Variants in CDH18 observed in about 807,000 individuals in gnomAD.
CDH18 encodes cadherin 18.
A neutral mutation model predicts 67.9 loss-of-function variants in CDH18; 31 were observed. The ratio of observed to expected loss-of-function variants is 0.46; its 90% CI spans 0.34 to 0.62. The LOEUF (loss-of-function observed/expected upper bound fraction) is 0.62, where lower values mean the gene tolerates loss of function less well. Ranked by LOEUF, CDH18 falls within the 20% of genes least tolerant of loss-of-function variation. The pLI is 0.01. For missense variants in CDH18, 890 were observed against 975.5 expected (o/e 0.91, Z 1.17); for synonymous variants, 362 against 347.2 (o/e 1.04, Z -0.48).
intron 5 of CDH18, among the ~76,000 whole-genome samples, chr5:19,614,005 A>T (rs1749423611): frequency 6.6e-6 from 1 of 152,098 alleles, no homozygotes; most frequent in African/African-American, 2.4e-5. Context: ...TCAAACTCGC[A>T]CTTGATTAGT....
At chr5:20,293,808 A>G (rs1258473844) in intron 1 of CDH18, among the ~76,000 whole-genome samples, 1 of 152,212 alleles carries the variant, frequency 6.6e-6, no homozygotes, top group East Asian at 1.9e-4. Flanking sequence ...AGTGTATTAT[A>G]AAATATGAAG....
chr5:19,807,360 C>T (rs1778146575), intron 3 of CDH18, among the ~76,000 whole-genome samples: 1 of 152,094 alleles, frequency 6.6e-6, no homozygotes. Flanking sequence ...AGTAAAAATA[C>T]AGTGTTATAA....
At chr5:20,106,995 T>A (rs1746997950) in intron 2 of CDH18, among the ~76,000 whole-genome samples, 1 of 152,136 alleles carries the variant, frequency 6.6e-6, no homozygotes, top group Admixed American at 6.5e-5. Context: ...TATTTGAAAA[T>A]GTCTGTTAAT....
rs188387557 is a variant in CDH18, at chr5:19,760,761, T to C, written c.229-13525A>G. Among the ~76,000 whole-genome samples the C allele has an allele frequency of 3.0e-3, 452 of 152,240 alleles. 1 individual carries two copies. The highest frequency in any genetic ancestry group is 5.4e-3 in the Non-Finnish European group (364 of 68,016). On this transcript the variant is annotated intron_variant, in intron 3 of 12. Transcript: ENST00000382275. The stretch of plus-strand genomic sequence containing the variant: ...TCTAGTGGCCTGCCGGGACTTTAGT[T>C]ATAGATTTAGAAGCAGAGATGATGG...
chr5:19,482,914 T>A (rs1443012802), intron 12 of CDH18, among the ~76,000 whole-genome samples: 2 of 152,146 alleles, frequency 1.3e-5, no homozygotes, highest in Non-Finnish European at 2.9e-5. Flanking sequence ...AATGAATGGG[T>A]GACCTCCTCT....
At chr5:20,026,967 A>AT (rs1423685568) in intron 2 of CDH18, among the ~76,000 whole-genome samples, 2 of 150,850 alleles carry the variant, frequency 1.3e-5, no homozygotes, top group African/African-American at 5.0e-5. Flanking sequence ...ACATAAAAAA[A>AT]AAATAAATAA....
chr5:20,076,844 G>T (rs531284167), intron 2 of CDH18, among the ~76,000 whole-genome samples: 1 of 152,112 alleles, frequency 6.6e-6, no homozygotes, highest in South Asian at 2.1e-4. Flanking sequence ...TTTCATAATT[G>T]TCACTTTATT....
chr5:20,174,270 G>A (rs1423903349), intron 2 of CDH18, among the ~76,000 whole-genome samples: 1 of 152,052 alleles, frequency 6.6e-6, no homozygotes, highest in African/African-American at 2.4e-5. Flanking sequence ...TTTAAATAAG[G>A]ATCTGTAGAT....
chr5:19,621,171 G>A (rs1750628021), intron 5 of CDH18, among the ~76,000 whole-genome samples: 2 of 150,872 alleles, frequency 1.3e-5, no homozygotes, highest in Admixed American at 6.6e-5. Flanking sequence ...GAAACTCATT[G>A]CACATAGTCA....
chr5:20,351,380 T>A lies in CDH18; in HGVS notation c.-579-95875A>T, dbSNP rs548903195. The stretch of plus-strand genomic sequence containing the variant: ...AATGCTTTTCTAGAAATATTTTATT[T>A]GCAATATAAGCAACATTAACAGCAG... On this transcript the variant is annotated intron_variant, in intron 1 of 14. Coordinates refer to the CDH18 transcript ENST00000507958. Among the ~76,000 whole-genome samples, 12 of 152,280 alleles carry A rather than the reference T, an allele frequency of 7.9e-5. 1 individual carries two copies. The highest frequency in any genetic ancestry group is 2.6e-4 in the African/African-American group (11 of 41,566).
chr5:20,149,094 C>G (rs999158213), intron 2 of CDH18, among the ~76,000 whole-genome samples: 1 of 152,112 alleles, frequency 6.6e-6, no homozygotes, highest in Non-Finnish European at 1.5e-5. Flanking sequence ...ACCTCTTCTT[C>G]TCAAAGGATT....
chr5:19,631,510 G>T (rs1752410669), intron 5 of CDH18, among the ~76,000 whole-genome samples: 1 of 151,974 alleles, frequency 6.6e-6, no homozygotes, highest in South Asian at 2.1e-4. Flanking sequence ...TAACCAAACA[G>T]TTGGCAAATT....
intron 2 of CDH18, among the ~76,000 whole-genome samples, chr5:20,135,445 A>G (rs1483422584): frequency 1.3e-5 from 2 of 152,028 alleles, no homozygotes; most frequent in African/African-American, 2.4e-5. Flanking sequence ...TATACCTTTT[A>G]TCATTTTTTA....
intron 2 of CDH18, among the ~76,000 whole-genome samples, chr5:19,962,761 C>T (rs1411584401): frequency 3.9e-5 from 6 of 151,922 alleles, no homozygotes; most frequent in Non-Finnish European, 7.4e-5. Context: ...GGGCAAGACT[C>T]GGTCTCAAAA....
chr5:20,427,608 T>G (rs530849917), intron 1 of CDH18, among the ~76,000 whole-genome samples: 1 of 151,148 alleles, frequency 6.6e-6, no homozygotes, highest in African/African-American at 2.5e-5. Context: ...ATTTCAGTAA[T>G]TGGTAAAATT....
chr5:20,317,354 G>A (rs1054049210), intron 1 of CDH18, among the ~76,000 whole-genome samples: 7 of 151,980 alleles, frequency 4.6e-5, no homozygotes, highest in African/African-American at 1.7e-4. Context: ...GAAGGCACCT[G>A]TTTTAAAAGT....
chr5:20,312,597 A>T (rs1045052192), intron 1 of CDH18, among the ~76,000 whole-genome samples: 2 of 151,328 alleles, frequency 1.3e-5, no homozygotes, highest in African/African-American at 4.9e-5. Flanking sequence ...CTCATATACC[A>T]CATTTTAGCC....
rs577399757 is a variant in CDH18 at position 20,502,999 on chromosome 5, T to C, written c.-580+72463A>G. 3.7e-4 allele frequency among the ~76,000 whole-genome samples: 43 copies of C among 116,006 alleles called. No homozygotes were observed. The East Asian group carries it at 6.6e-3, about 18-fold the overall frequency. The allele number at this position is 116,006 out of a possible 152,430, so 76.1% of individuals were successfully genotyped here. On this transcript the variant is annotated intron_variant, in intron 1 of 14. Coordinates refer to the CDH18 transcript ENST00000507958. ...GAAAAAGGTCAATGCTAGCCTGAAC[T>C]TAGAAAAAAAGGGGGTTATTCTTAC... is the stretch of plus-strand genomic sequence containing the variant.
intron 3 of CDH18, among the ~76,000 whole-genome samples, chr5:19,752,683 G>T (rs1771007852): frequency 6.6e-6 from 1 of 152,140 alleles, no homozygotes; most frequent in Non-Finnish European, 1.5e-5. Flanking sequence ...CACAGCTGAT[G>T]CTCTCTGGAA....
Sources: gnomAD v4.1 joint callset for allele counts (sites outside exome capture counted in the v4.1 genomes callset) on GRCh38, gnomAD v4.1.1 for gene constraint, MANE v1.5 for transcripts, NCBI Gene and HGNC (gene_info 2026-07-23, HGNC 2026-07-21) for gene names.